The following WDR41 variants were observed in gnomAD, a reference collection of about 807,000 sequenced individuals.
WDR41 encodes WD repeat-containing protein 41.
A neutral mutation model predicts 69.3 loss-of-function variants in WDR41; 63 were observed. The observed-to-expected ratio is 0.91, with a 90% CI of 0.74 to 1.12. The LOEUF (loss-of-function observed/expected upper bound fraction) is 1.12. Among genes scored for constraint, WDR41 ranks in the 50% most tolerant of loss-of-function variants. The probability of loss-of-function intolerance (pLI) is 0.00; values close to 1 mark genes in which losing one functional copy is unlikely to be tolerated. For synonymous variants in WDR41, 185 were observed against 192.1 expected (o/e 0.96, Z 0.31); for missense variants, 543 against 534.5 (o/e 1.02, Z -0.16).
chr5:77,479,491 A>C (rs1041738823), intron 2 of WDR41, among the ~76,000 whole-genome samples: 22 of 152,068 alleles, frequency 1.4e-4, no homozygotes, highest in South Asian at 2.1e-4. Flanking sequence ...ATCAATGGAA[A>C]AGAACAGAGC....
chr5:77,546,007 C>T, intron 1 of WDR41: 1 of 495,596 alleles, frequency 2.0e-6, no homozygotes, highest in South Asian at 3.4e-5. Flanking sequence ...TCATCTCGGC[C>T]CCTGTGCCCA....
chr5:77,437,274 C>T (rs1005853127), intron 11 of WDR41, 62 bp downstream of exon 11: 1 of 1,366,822 alleles, frequency 7.3e-7, no homozygotes, highest in East Asian at 2.3e-5. Flanking sequence ...TTGTCCTTCT[C>T]CTGCCTTTCA....
At chr5:77,596,120 A>G (rs1243324063) in intron 1 of WDR41, among the ~76,000 whole-genome samples, 1 of 152,188 alleles carries the variant, frequency 6.6e-6, no homozygotes, top group Non-Finnish European at 1.5e-5. Flanking sequence ...GCCTGTCTTT[A>G]CAATAATATA....
intron 1 of WDR41, chr5:77,545,870 T>C: frequency 1.7e-6 from 1 of 587,364 alleles, no homozygotes; most frequent in South Asian, 2.3e-5. Context: ...CCATTGTCCC[T>C]GTGCTACTGG....
intron 2 of WDR41, among the ~76,000 whole-genome samples, chr5:77,483,621 TAGA>T (rs1261004491): frequency 1.3e-5 from 2 of 151,918 alleles, no homozygotes; most frequent in Admixed American, 6.6e-5. Context: ...CTAAGATAGG[TAGA>T]AGAAAAGTGT....
Position 77,567,092 on chromosome 5 carries a change from T to C in WDR41, c.42+53387A>G, listed in dbSNP as rs544309759. On this transcript the variant is annotated intron_variant, in intron 1 of 5. Transcript: ENST00000509971. ...GGTAGAGCGACAGAGTCCATTGCTC[T>C]ATTTACACTGATATCGGCTTCCACA... is the stretch of plus-strand genomic sequence containing the variant. Among the ~76,000 whole-genome samples, 3 of 152,330 alleles carry C rather than the reference T, an allele frequency of 2.0e-5. No individual in the cohort carries two copies. In the South Asian group the frequency reaches 6.2e-4, roughly 32 times the overall value.
At chr5:77,521,675 A>T (rs1362485207) in intron 1 of WDR41, among the ~76,000 whole-genome samples, 1 of 152,228 alleles carries the variant, frequency 6.6e-6, no homozygotes, top group Non-Finnish European at 1.5e-5. Flanking sequence ...TTTTATGGCG[A>T]AACCTAACCT....
chr5:77,548,696 C>G (rs1359143588), intron 1 of WDR41, among the ~76,000 whole-genome samples: 1 of 152,144 alleles, frequency 6.6e-6, no homozygotes. Context: ...TAAACTAGTA[C>G]AACCACTATA....
intron 1 of WDR41, chr5:77,583,146 T>G: frequency 7.8e-7 from 1 of 1,279,410 alleles, no homozygotes. Flanking sequence ...ATTATTTTTC[T>G]AAGCTGGTTG....
At chr5:77,592,485 G>C (rs558178662) in intron 1 of WDR41, among the ~76,000 whole-genome samples, 1 of 152,252 alleles carries the variant, frequency 6.6e-6, no homozygotes, top group Admixed American at 6.5e-5. Context: ...TGTGTCGGCA[G>C]ATCTCCAGAC....
chr5:77,584,456 G>A (rs1486203263), intron 1 of WDR41, among the ~76,000 whole-genome samples: 1 of 152,028 alleles, frequency 6.6e-6, no homozygotes, highest in Non-Finnish European at 1.5e-5. Flanking sequence ...ATGAAGTTAA[G>A]AAAGCAATTT....
rs747989157 is a variant in WDR41, at chr5:77,555,759, T to C, written c.42+64720A>G. ...ATAAAAAGACTAAATAAATGAAGTA[T>C]AAATCTTATCCTCATGGATTGGAAG... On this transcript the variant is annotated intron_variant, in intron 1 of 5. Transcript: ENST00000509971. 8.8e-4 allele frequency among the ~76,000 whole-genome samples: 134 copies of C among 152,222 alleles called. 3 individuals carry two copies. Among genetic ancestry groups the C allele is most frequent in the Non-Finnish European group, 4.6e-4 (31 of 68,036 alleles).
chr5:77,546,644 A>G (rs1453994979), intron 1 of WDR41, among the ~76,000 whole-genome samples: 2 of 152,160 alleles, frequency 1.3e-5, no homozygotes, highest in South Asian at 2.1e-4. Flanking sequence ...AAAATTACCA[A>G]CAAAGAAGTC....
At chr5:77,529,131 T>C (rs1802488685) in intron 1 of WDR41, among the ~76,000 whole-genome samples, 1 of 151,464 alleles carries the variant, frequency 6.6e-6, no homozygotes, top group South Asian at 2.1e-4. Flanking sequence ...GGCATACATA[T>C]AAAATACAAA....
intron 1 of WDR41, among the ~76,000 whole-genome samples, chr5:77,577,513 A>G (rs138172026): frequency 1.3e-5 from 2 of 152,264 alleles, no homozygotes; most frequent in Non-Finnish European, 2.9e-5. Context: ...AACACAAACT[A>G]TTGCTGAGGA....
intron 2 of WDR41, among the ~76,000 whole-genome samples, chr5:77,469,004 A>G (rs1195330381): frequency 1.3e-5 from 2 of 152,148 alleles, no homozygotes; most frequent in African/African-American, 4.8e-5. Context: ...ATGTCTATCA[A>G]TGATAGACTG....
chr5:77,476,926 T>C (rs9687881), intron 2 of WDR41, among the ~76,000 whole-genome samples: 72,653 of 127,908 alleles, frequency 0.57, 22,150 homozygotes, highest in African/African-American at 0.81. Context: ...ATTCAGGAAA[T>C]CCATCTCACG....
At chr5:77,518,840 A>G (rs1305036780) in intron 1 of WDR41, among the ~76,000 whole-genome samples, 1 of 152,102 alleles carries the variant, frequency 6.6e-6, no homozygotes, top group Non-Finnish European at 1.5e-5. Flanking sequence ...ATATATGAGC[A>G]GTACAAATTT....
intron 1 of WDR41, among the ~76,000 whole-genome samples, chr5:77,533,826 G>A (rs758675968): frequency 9.2e-5 from 14 of 151,976 alleles, no homozygotes; most frequent in Non-Finnish European, 1.6e-4. Context: ...TTATTTTTCC[G>A]GGCTCCCTTT....
Sources: allele counts gnomAD v4.1 joint callset (sites outside exome capture counted in the v4.1 genomes callset), GRCh38; gene constraint gnomAD v4.1.1; transcripts MANE v1.5; gene names NCBI Gene and HGNC (gene_info 2026-07-23, HGNC 2026-07-21).